Variants in UGT8 observed in about 807,000 individuals in gnomAD.
UGT8 encodes UDP glycosyltransferase 8, also known as 2-hydroxyacylsphingosine 1-beta-galactosyltransferase.
Under a neutral mutation model 40.5 loss-of-function variants are expected in UGT8, and 12 were observed. The ratio of observed to expected loss-of-function variants is 0.30; its 90% CI spans 0.19 to 0.48. UGT8 has a LOEUF of 0.48. Ranked by LOEUF, UGT8 falls within the 20% of genes least tolerant of loss-of-function variation. UGT8 has a pLI of 0.99. For synonymous variants in UGT8, 224 were observed against 240.4 expected (o/e 0.93, Z 0.63); for missense variants, 513 against 648.7 (o/e 0.79, Z 2.27).
At chr4:114,607,544 T>C (rs936334499) in intron 1 of UGT8, among the ~76,000 whole-genome samples, 1 of 152,132 alleles carries the variant, frequency 6.6e-6, no homozygotes, top group Non-Finnish European at 1.5e-5. Context: ...CTCACTCCTT[T>C]GGTGTAGTTA....
intron 1 of UGT8, among the ~76,000 whole-genome samples, chr4:114,610,266 C>T (rs1260585762): frequency 2.6e-5 from 4 of 152,020 alleles, no homozygotes; most frequent in Non-Finnish European, 5.9e-5. Flanking sequence ...AGACTTTGCC[C>T]CTTTCTCTAC....
intron 2 of UGT8, among the ~76,000 whole-genome samples, chr4:114,651,813 T>C (rs1298252653): frequency 1.3e-5 from 2 of 152,110 alleles, no homozygotes; most frequent in African/African-American, 2.4e-5. Flanking sequence ...AAAATGTGCA[T>C]AGATTTCTGA....
At position 114,676,126 on chromosome 4, in the gene UGT8, A is replaced by G. The variant is rs777636924; in HGVS notation, c.1464A>G (p.Leu488=). ...TGCTTTTGCTTGGTGCTGCCTTGTT[A>G]TACTTTCTCTTGTCTTGGGTGACAA... The part of the protein sequence containing the change: ...AFVLLLGAAL[L]YFLLSWVTKF... Residue 488 remains leucine (L), a synonymous_variant, in exon 6 of 6, where the codon TTA becomes TTG. Coordinates refer to ENST00000310836, the MANE Select transcript of UGT8 (RefSeq NM_001128174.3). 4.9e-5 allele frequency: 79 copies of G among 1,614,194 alleles called. No homozygotes were observed. Among genetic ancestry groups the G allele is most frequent in the Non-Finnish European group, 6.5e-5 (77 of 1,180,032 alleles).
chr4:114,662,420 A>T (rs1426024945), intron 2 of UGT8, among the ~76,000 whole-genome samples: 2 of 152,236 alleles, frequency 1.3e-5, no homozygotes, highest in Non-Finnish European at 2.9e-5. Context: ...TACAGTCTCT[A>T]CTGAAGGAGT....
intron 2 of UGT8, among the ~76,000 whole-genome samples, chr4:114,654,848 G>A (rs1734081188): frequency 6.6e-6 from 1 of 152,072 alleles, no homozygotes; most frequent in African/African-American, 2.4e-5. Flanking sequence ...CAGTGTGGAC[G>A]TAGCACCTCT....
At chr4:114,655,863 T>A (rs1734155437) in intron 2 of UGT8, among the ~76,000 whole-genome samples, 1 of 152,140 alleles carries the variant, frequency 6.6e-6, no homozygotes, top group African/African-American at 2.4e-5. Flanking sequence ...CAGTGGCCTT[T>A]ATTTGCTATG....
chr4:114,616,858 G>A (rs755112258), intron 1 of UGT8, among the ~76,000 whole-genome samples: 2 of 152,148 alleles, frequency 1.3e-5, no homozygotes, highest in Non-Finnish European at 2.9e-5. Context: ...GTATATTGGG[G>A]TGTTCCTGTA....
Position 114,665,722 on chromosome 4 carries a change from A to G in UGT8, c.1008A>G (p.Lys336=). 6.2e-7 allele frequency: 1 copy of G among 1,610,796 alleles called. No homozygotes were observed. Among genetic ancestry groups the G allele is most frequent in the Admixed American group, 1.7e-5 (1 of 59,498 alleles). ...PKPKNLGNNT[K]LIEWLPQNDL... ...CAAAGAATCTAGGAAACAACACTAA[A>G]CTCATAGAATGGTTACCACAAAATG... The change falls in exon 4 of 6, where the codon AAA becomes AAG. Residue 336 remains lysine, a synonymous_variant. Coordinates refer to ENST00000310836, the MANE Select transcript of UGT8 (RefSeq NM_001128174.3).
At chr4:114,659,567 C>T (rs188455838) in intron 2 of UGT8, among the ~76,000 whole-genome samples, 25 of 152,238 alleles carry the variant, frequency 1.6e-4, no homozygotes, top group Admixed American at 1.0e-3. Context: ...GCCCAGATGT[C>T]GCTCCATTCC....
chr4:114,630,362 GTACT>G (rs1324973443), intron 2 of UGT8, among the ~76,000 whole-genome samples: 2 of 152,202 alleles, frequency 1.3e-5, no homozygotes, highest in African/African-American at 2.4e-5. Context: ...TAGCATGTCA[GTACT>G]TACTTCAGAG....
chr4:114,616,742 C>T (rs1731466798), intron 1 of UGT8, among the ~76,000 whole-genome samples: 1 of 152,000 alleles, frequency 6.6e-6, no homozygotes, highest in Non-Finnish European at 1.5e-5. Flanking sequence ...ATCTTGGCTC[C>T]CATGTATGGT....
intron 1 of UGT8, among the ~76,000 whole-genome samples, chr4:114,602,805 A>G (rs1264570969): frequency 1.3e-5 from 2 of 152,216 alleles, no homozygotes; most frequent in African/African-American, 4.8e-5. Flanking sequence ...GACATAAAAG[A>G]TGAATCACTG....
intron 2 of UGT8, among the ~76,000 whole-genome samples, chr4:114,661,273 TTG>T (rs985998854): frequency 1.8e-4 from 27 of 152,076 alleles, no homozygotes; most frequent in Non-Finnish European, 3.2e-4. Context: ...GAGTTAGGAT[TTG>T]TGTGTGTGTG....
chr4:114,667,908 A>G, intron 4 of UGT8, 177 bp from the exon 5 acceptor site: 1 of 967,664 alleles, frequency 1.0e-6, no homozygotes, highest in Non-Finnish European at 1.2e-6. Flanking sequence ...TCTGACAATT[A>G]GGTATATAAC....
At chr4:114,625,072 A>G (rs1275819270) in intron 2 of UGT8, among the ~76,000 whole-genome samples, 3 of 152,144 alleles carry the variant, frequency 2.0e-5, no homozygotes, top group African/African-American at 7.2e-5. Context: ...ACCTTAACTG[A>G]GTCATTTAAA....
chr4:114,668,386 T>G, intron 5 of UGT8, 82 bp downstream of exon 5: 1 of 1,112,954 alleles, frequency 9.0e-7, no homozygotes, highest in Non-Finnish European at 1.3e-6. Flanking sequence ...CAATAGATTG[T>G]CAATAAATTA....
intron 2 of UGT8, 191 bp from the exon 3 acceptor site, chr4:114,663,804 C>T: frequency 2.0e-6 from 2 of 985,222 alleles, no homozygotes; most frequent in Non-Finnish European, 1.2e-6. Context: ...CACATGTCCT[C>T]ATTTCAGTTA....
In UGT8 at chr4:114,621,533, C is replaced by T. The variant is rs564177823; in HGVS notation, c.-2-1346C>T. Among the ~76,000 whole-genome samples, 6 of 152,200 alleles carry T rather than the reference C, an allele frequency of 3.9e-5. No individual in the cohort carries two copies. In the South Asian group the frequency reaches 1.2e-3, roughly 32 times the overall value. On this transcript the variant is annotated intron_variant, in intron 1 of 5. Transcript: ENST00000310836. The stretch of plus-strand genomic sequence containing the variant: ...TCTAAAACAATCTTTCTTTGGTATG[C>T]TTTGATTATAACTGCAAATGTAACC...
chr4:114,608,982 T>C (rs1260680035), intron 1 of UGT8, among the ~76,000 whole-genome samples: 1 of 152,226 alleles, frequency 6.6e-6, no homozygotes, highest in Non-Finnish European at 1.5e-5. Flanking sequence ...TTTTCCATTC[T>C]TTGTGCCTAT....
Sources: gnomAD v4.1 joint callset for allele counts (sites outside exome capture counted in the v4.1 genomes callset) on GRCh38, gnomAD v4.1.1 for gene constraint, MANE v1.5 for transcripts, NCBI Gene and HGNC (gene_info 2026-07-23, HGNC 2026-07-21) for gene names.